Variants in MAF observed in about 807,000 individuals in gnomAD.
MAF encodes the protein transcription factor Maf.
In MAF, 10 loss-of-function variants were observed where a neutral mutation model predicts 22.0. That is an observed-to-expected ratio of 0.45 (90% CI 0.28 to 0.77). MAF has a LOEUF of 0.77. Ranked by LOEUF, MAF falls within the 30% of genes least tolerant of loss-of-function variation. MAF has a pLI of 0.12. For synonymous variants in MAF, 337 were observed against 255.8 expected (o/e 1.32, Z -3.03); for missense variants, 544 against 548.4 (o/e 0.99, Z 0.08).
the MAF span, among the ~76,000 whole-genome samples, chr16:79,469,976 G>C: frequency 6.6e-6 from 1 of 152,224 alleles, no homozygotes; most frequent in Admixed American, 6.5e-5. Flanking sequence ...GTTATCTTAA[G>C]TTTAGAAAAG....
the MAF span, among the ~76,000 whole-genome samples, chr16:79,466,645 A>G: frequency 6.6e-6 from 1 of 152,218 alleles, no homozygotes; most frequent in Non-Finnish European, 1.5e-5. Context: ...CTGATTTTCA[A>G]ATGTTCTGCA....
the MAF span, among the ~76,000 whole-genome samples, chr16:79,209,682 G>T: frequency 1.7e-4 from 26 of 152,298 alleles, no homozygotes; most frequent in Non-Finnish European, 2.9e-4. Context: ...AGAACTCTAA[G>T]ATTCCAGGCC....
At chr16:79,462,605 A>T in the MAF span, among the ~76,000 whole-genome samples, 1 of 152,214 alleles carries the variant, frequency 6.6e-6, no homozygotes, top group Non-Finnish European at 1.5e-5. Flanking sequence ...ACATTTGTAC[A>T]TGTGCAAACA....
the MAF span, chr16:79,211,579 TTTTTTTG>T: frequency 6.2e-7 from 1 of 1,613,636 alleles, no homozygotes; most frequent in South Asian, 1.1e-5. Context: ...TCTTAAAATT[TTTTTTTG>T]TCTTTCTTCT....
chr16:79,219,148 C>T, the MAF span, among the ~76,000 whole-genome samples: 1 of 152,170 alleles, frequency 6.6e-6, no homozygotes, highest in Non-Finnish European at 1.5e-5. Context: ...AACAGAGTTA[C>T]GCAAATAGAG....
chr16:79,542,090 G>A, the MAF span, among the ~76,000 whole-genome samples: 1 of 152,286 alleles, frequency 6.6e-6, no homozygotes, highest in Non-Finnish European at 1.5e-5. Flanking sequence ...AAGCGTTTCA[G>A]TCTTTGGTGA....
the MAF span, among the ~76,000 whole-genome samples, chr16:79,437,388 C>A: frequency 2.0e-5 from 3 of 152,158 alleles, no homozygotes; most frequent in Non-Finnish European, 4.4e-5. Flanking sequence ...GCACAACCAC[C>A]GTGTGGCCTG....
chr16:79,363,528 G>C, the MAF span, among the ~76,000 whole-genome samples: 2 of 152,186 alleles, frequency 1.3e-5, no homozygotes, highest in African/African-American at 4.8e-5. Flanking sequence ...GTGAAAAACA[G>C]AATGGTTGGA....
At chr16:79,235,452 C>T in the MAF span, among the ~76,000 whole-genome samples, 1 of 151,986 alleles carries the variant, frequency 6.6e-6, no homozygotes, top group African/African-American at 2.4e-5. Context: ...GTCCCAGCTA[C>T]ACTGGAGGGA....
the MAF span, among the ~76,000 whole-genome samples, chr16:79,301,643 A>G: frequency 1.2e-4 from 18 of 151,976 alleles, no homozygotes; most frequent in Non-Finnish European, 7.4e-5. Context: ...ATGTGTGTAT[A>G]TAGACACATA....
chr16:79,569,353 T>G, the MAF span, among the ~76,000 whole-genome samples: 8 of 152,258 alleles, frequency 5.3e-5, no homozygotes, highest in African/African-American at 1.9e-4. Context: ...CATCCTCCAG[T>G]TGAGACCCAT....
the MAF span, among the ~76,000 whole-genome samples, chr16:79,420,776 T>C: frequency 1.3e-5 from 2 of 152,216 alleles, no homozygotes; most frequent in Non-Finnish European, 2.9e-5. Flanking sequence ...ATGCCTGTAA[T>C]CCTAGCACTT....
chr16:79,380,450 G>C, the MAF span, among the ~76,000 whole-genome samples: 1 of 152,206 alleles, frequency 6.6e-6, no homozygotes, highest in African/African-American at 2.4e-5. Flanking sequence ...CCAATACAGT[G>C]TGAGAGAGGT....
the MAF span, among the ~76,000 whole-genome samples, chr16:79,577,499 A>G: frequency 2.6e-5 from 4 of 152,148 alleles, no homozygotes; most frequent in African/African-American, 9.7e-5. Flanking sequence ...CAGGTCAAAG[A>G]TGGCATAGAT....
At chr16:79,527,735 G>C in the MAF span, among the ~76,000 whole-genome samples, 1 of 152,196 alleles carries the variant, frequency 6.6e-6, no homozygotes, top group Non-Finnish European at 1.5e-5. Context: ...ACTTCAGTTT[G>C]AAGAAGTGAA....
chr16:79,525,100 T>A, the MAF span, among the ~76,000 whole-genome samples: 1 of 152,194 alleles, frequency 6.6e-6, no homozygotes, highest in South Asian at 2.1e-4. Context: ...AAAATATACC[T>A]TCCTTACGAT....
the MAF span, among the ~76,000 whole-genome samples, chr16:79,240,187 A>G: frequency 6.6e-6 from 1 of 151,674 alleles, no homozygotes; most frequent in Non-Finnish European, 1.5e-5. Flanking sequence ...TAACTTGGGG[A>G]TACTGGATTG....
chr16:79,484,572 G>A, the MAF span, among the ~76,000 whole-genome samples: 1 of 152,170 alleles, frequency 6.6e-6, no homozygotes, highest in Non-Finnish European at 1.5e-5. Context: ...CTTTAACAAG[G>A]GGAACAGGAG....
At chr16:79,459,374 G>T in the MAF span, among the ~76,000 whole-genome samples, 1 of 152,164 alleles carries the variant, frequency 6.6e-6, no homozygotes, top group South Asian at 2.1e-4. Flanking sequence ...CATTAAAAAT[G>T]CTGCCCTTGT....
Sources: gnomAD v4.1 joint callset for allele counts (sites outside exome capture counted in the v4.1 genomes callset) on GRCh38, gnomAD v4.1.1 for gene constraint, MANE v1.5 for transcripts, NCBI Gene and HGNC (gene_info 2026-07-23, HGNC 2026-07-21) for gene names.